Variants in CSTPP1 observed in about 807,000 individuals in gnomAD.
The protein encoded by CSTPP1 is centriolar satellite-associated tubulin polyglutamylase complex regulator 1, also known as UPF0705 protein C11orf49.
the CSTPP1 span, among the ~76,000 whole-genome samples, chr11:46,980,233 T>G: frequency 6.6e-6 from 1 of 152,142 alleles, no homozygotes; most frequent in Non-Finnish European, 1.5e-5. Flanking sequence ...AGACTTTAGT[T>G]TTTCATCCTC....
the CSTPP1 span, among the ~76,000 whole-genome samples, chr11:47,132,973 C>T: frequency 1.3e-5 from 2 of 152,206 alleles, no homozygotes; most frequent in East Asian, 1.9e-4. Context: ...ATGGCCCTTA[C>T]GATGGGTCAG....
At chr11:47,010,481 A>G in the CSTPP1 span, among the ~76,000 whole-genome samples, 1 of 152,148 alleles carries the variant, frequency 6.6e-6, no homozygotes, top group African/African-American at 2.4e-5. Flanking sequence ...ACCTTTGCCT[A>G]GTTTCCTGAT....
At chr11:47,135,880 A>G in the CSTPP1 span, among the ~76,000 whole-genome samples, 31 of 152,332 alleles carry the variant, frequency 2.0e-4, no homozygotes, top group South Asian at 4.8e-3. Context: ...CTTGAAGTAC[A>G]TGAGTTAGAA....
At chr11:46,981,033 A>C in the CSTPP1 span, among the ~76,000 whole-genome samples, 1 of 152,186 alleles carries the variant, frequency 6.6e-6, no homozygotes, top group Non-Finnish European at 1.5e-5. Context: ...TATCCTGTGC[A>C]TCCTATGAAA....
At chr11:47,073,726 A>C in the CSTPP1 span, among the ~76,000 whole-genome samples, 1 of 152,180 alleles carries the variant, frequency 6.6e-6, no homozygotes, top group Non-Finnish European at 1.5e-5. Context: ...ATGATTTGTG[A>C]TGGAGAAGTT....
the CSTPP1 span, among the ~76,000 whole-genome samples, chr11:47,125,977 G>A: frequency 2.0e-5 from 3 of 150,918 alleles, no homozygotes; most frequent in Non-Finnish European, 4.4e-5. Context: ...AGATTGTACC[G>A]CTGTATTCCA....
At chr11:47,162,882 C>T in the CSTPP1 span, among the ~76,000 whole-genome samples, 1 of 152,160 alleles carries the variant, frequency 6.6e-6, no homozygotes, top group Non-Finnish European at 1.5e-5. Context: ...CTAGGCATTC[C>T]AGCCCCGAAG....
At chr11:46,967,663 CTG>C in the CSTPP1 span, among the ~76,000 whole-genome samples, 1 of 152,058 alleles carries the variant, frequency 6.6e-6, no homozygotes, top group African/African-American at 2.4e-5. Context: ...ACTCTTACAA[CTG>C]TGCCCGGCAC....
the CSTPP1 span, among the ~76,000 whole-genome samples, chr11:47,163,663 G>A: frequency 6.6e-6 from 1 of 152,020 alleles, no homozygotes. Flanking sequence ...TCTTTTTTGA[G>A]ACAGGGTCTC....
the CSTPP1 span, among the ~76,000 whole-genome samples, chr11:46,983,587 G>T: frequency 1.3e-5 from 2 of 152,150 alleles, no homozygotes; most frequent in African/African-American, 2.4e-5. Context: ...AGGGATGCAG[G>T]TGTGCTGTTT....
At chr11:47,052,380 C>T in the CSTPP1 span, 8 of 1,609,086 alleles carry the variant, frequency 5.0e-6, no homozygotes, top group Non-Finnish European at 6.8e-6. Context: ...TGACTTTTCT[C>T]TTTGCAGTTT....
chr11:46,968,076 T>C, the CSTPP1 span, among the ~76,000 whole-genome samples: 3 of 150,958 alleles, frequency 2.0e-5, no homozygotes, highest in Non-Finnish European at 3.0e-5. Flanking sequence ...AGACTTCTTT[T>C]CATGCTGGCT....
the CSTPP1 span, among the ~76,000 whole-genome samples, chr11:47,109,527 G>A: frequency 2.6e-5 from 4 of 152,186 alleles, no homozygotes; most frequent in Non-Finnish European, 5.9e-5. Flanking sequence ...GGATAATCCA[G>A]TGGAATTCTC....
At chr11:47,162,773 C>T in the CSTPP1 span, among the ~76,000 whole-genome samples, 1 of 152,162 alleles carries the variant, frequency 6.6e-6, no homozygotes, top group Non-Finnish European at 1.5e-5. Context: ...AGGTGGATGT[C>T]ACCACTACTA....
chr11:47,022,784 C>A, the CSTPP1 span, among the ~76,000 whole-genome samples: 1 of 152,272 alleles, frequency 6.6e-6, no homozygotes, highest in South Asian at 2.1e-4. Context: ...ATTTTCTGCA[C>A]AGCAGAGTAA....
the CSTPP1 span, among the ~76,000 whole-genome samples, chr11:47,090,173 C>CG: frequency 9.1e-3 from 1,379 of 152,152 alleles, 12 homozygotes; most frequent in Admixed American, 0.014. Context: ...TTAGTAGAGA[C>CG]GGGGTTTCTC....
the CSTPP1 span, among the ~76,000 whole-genome samples, chr11:47,141,042 A>T: frequency 2.0e-5 from 3 of 152,110 alleles, no homozygotes; most frequent in Non-Finnish European, 4.4e-5. Flanking sequence ...ACTATATCCT[A>T]TATTCATTTG....
chr11:46,965,153 CAG>C, the CSTPP1 span, among the ~76,000 whole-genome samples: 4 of 148,816 alleles, frequency 2.7e-5, no homozygotes, highest in South Asian at 4.3e-4. Context: ...GAATTTAAAA[CAG>C]AAAATTTAAA....
At chr11:47,022,405 T>C in the CSTPP1 span, among the ~76,000 whole-genome samples, 1 of 135,888 alleles carries the variant, frequency 7.4e-6, no homozygotes, top group Non-Finnish European at 1.6e-5. Flanking sequence ...AGTCTTGCCC[T>C]GTCACCCAGA....
Sources: gnomAD v4.1 joint callset for allele counts (sites outside exome capture counted in the v4.1 genomes callset) on GRCh38, gnomAD v4.1.1 for gene constraint, MANE v1.5 for transcripts, NCBI Gene and HGNC (gene_info 2026-07-23, HGNC 2026-07-21) for gene names.